Variants in STK4 observed in about 807,000 individuals in gnomAD.
STK4 encodes the protein serine/threonine kinase 4.
A neutral mutation model predicts 64.9 loss-of-function variants in STK4; 30 were observed. That is an observed-to-expected ratio of 0.46 (90% confidence interval 0.35 to 0.63). The LOEUF is 0.63. Among genes scored for constraint, STK4 ranks in the 20% least tolerant of loss-of-function variants. The pLI is 0.01. For synonymous variants in STK4, 177 were observed against 199.0 expected (o/e 0.89, Z 0.93); for missense variants, 466 against 598.5 (o/e 0.78, Z 2.31).
chr20:45,009,400 T>C (rs541404114), intron 9 of STK4, among the ~76,000 whole-genome samples: 1 of 152,324 alleles, frequency 6.6e-6, no homozygotes, highest in African/African-American at 2.4e-5. Flanking sequence ...TCTATGTGTC[T>C]GTTGTTGTAC....
intron 10 of STK4, among the ~76,000 whole-genome samples, chr20:45,031,003 C>T (rs2068433342): frequency 2.0e-5 from 3 of 151,950 alleles, no homozygotes; most frequent in Non-Finnish European, 4.4e-5. Flanking sequence ...TCGAGACCAG[C>T]CTGGCACATA....
intron 9 of STK4, among the ~76,000 whole-genome samples, chr20:45,020,543 A>C (rs144324483): frequency 6.6e-6 from 1 of 151,956 alleles, no homozygotes; most frequent in African/African-American, 2.4e-5. Context: ...CTTTTGCTGC[A>C]TTGTAAACCA....
chr20:45,074,375 G>A (rs912959193), intron 10 of STK4, among the ~76,000 whole-genome samples: 1 of 152,084 alleles, frequency 6.6e-6, no homozygotes, highest in East Asian at 1.9e-4. Context: ...GAAGTTTGAG[G>A]TTTTTCTAAC....
chr20:44,990,468 A>T (rs969895850), intron 5 of STK4, among the ~76,000 whole-genome samples: 4 of 150,710 alleles, frequency 2.7e-5, no homozygotes, highest in Admixed American at 1.3e-4. Flanking sequence ...TTTTTCCTTC[A>T]CTAAAATAAA....
intron 9 of STK4, among the ~76,000 whole-genome samples, chr20:45,022,614 T>A (rs1388966762): frequency 6.6e-6 from 1 of 152,248 alleles, no homozygotes; most frequent in Admixed American, 6.5e-5. Context: ...ACAGAAATGT[T>A]ATCTTTAGTG....
chr20:44,989,689 A>G (rs1237066894), intron 5 of STK4, among the ~76,000 whole-genome samples: 1 of 152,148 alleles, frequency 6.6e-6, no homozygotes, highest in Non-Finnish European at 1.5e-5. Flanking sequence ...ATTTACTCCT[A>G]TGATTTCTTT....
chr20:45,063,849 C>T (rs1369253092), intron 10 of STK4, among the ~76,000 whole-genome samples: 2 of 150,598 alleles, frequency 1.3e-5, no homozygotes, highest in Non-Finnish European at 3.0e-5. Flanking sequence ...GCTCTGTCAC[C>T]CAGGCTGGAG....
At chr20:45,009,348 G>C (rs1006047577) in intron 9 of STK4, among the ~76,000 whole-genome samples, 1 of 152,080 alleles carries the variant, frequency 6.6e-6, no homozygotes, top group African/African-American at 2.4e-5. Context: ...CTGGTTGTAG[G>C]TGTGCAGGTT....
intron 10 of STK4, among the ~76,000 whole-genome samples, chr20:45,031,904 CA>C (rs11431524): frequency 0.017 from 1,313 of 75,632 alleles, 11 homozygotes; most frequent in African/African-American, 0.049. Flanking sequence ...GACTTCATCT[CA>C]AAAAAAAAAA....
At chr20:45,071,154 T>G (rs1568773742) in intron 10 of STK4, among the ~76,000 whole-genome samples, 1 of 152,080 alleles carries the variant, frequency 6.6e-6, no homozygotes, top group Admixed American at 6.5e-5. Context: ...AGTATGGGTA[T>G]CACAGAATAG....
intron 5 of STK4, among the ~76,000 whole-genome samples, chr20:44,992,841 C>T (rs1463945781): frequency 6.6e-6 from 1 of 151,982 alleles, no homozygotes; most frequent in Non-Finnish European, 1.5e-5. Flanking sequence ...ATTACAGGTA[C>T]CTGCTACCAC....
intron 2 of STK4, chr20:44,975,335 T>C: frequency 1.0e-6 from 1 of 984,386 alleles, no homozygotes. Flanking sequence ...TTACTGTAGA[T>C]GCAGTATATG....
intron 10 of STK4, among the ~76,000 whole-genome samples, chr20:45,038,811 T>G (rs2068567635): frequency 6.6e-6 from 1 of 152,052 alleles, no homozygotes; most frequent in Non-Finnish European, 1.5e-5. Flanking sequence ...AAAAAAAAGC[T>G]AATTATACAT....
intron 10 of STK4, among the ~76,000 whole-genome samples, chr20:45,028,582 C>A (rs984229992): frequency 2.6e-5 from 4 of 152,150 alleles, no homozygotes; most frequent in Admixed American, 2.6e-4. Context: ...CTGCCCGGGC[C>A]TCCCAGAATG....
intron 9 of STK4, among the ~76,000 whole-genome samples, chr20:45,022,434 C>A (rs1209168002): frequency 6.6e-6 from 1 of 152,082 alleles, no homozygotes; most frequent in Admixed American, 6.5e-5. Flanking sequence ...GGTGTTTTAA[C>A]TCCAAAAATT....
intron 3 of STK4, among the ~76,000 whole-genome samples, chr20:44,978,860 G>A (rs1417553670): frequency 1.3e-5 from 2 of 148,776 alleles, no homozygotes; most frequent in African/African-American, 2.5e-5. Context: ...GTGCAGTGGT[G>A]CAATCTCGGC....
chr20:45,006,452 A>G (rs2067947340), intron 9 of STK4, among the ~76,000 whole-genome samples: 1 of 147,506 alleles, frequency 6.8e-6, no homozygotes, highest in South Asian at 2.1e-4. Context: ...ATTTCCCTTT[A>G]AAAAAAAACT....
chr20:45,041,728 G>C (rs2068616940), intron 10 of STK4, among the ~76,000 whole-genome samples: 1 of 151,226 alleles, frequency 6.6e-6, no homozygotes, highest in African/African-American at 2.4e-5. Context: ...TTATTCAGAG[G>C]TCTCCCTCTG....
Position 45,001,316 on chromosome 20 carries a change from C to G in STK4, c.1110C>G (p.Ile370Met), listed in dbSNP as rs1384985474. Residue 370 changes from isoleucine to methionine, a missense_variant, in exon 9 of 11, where the codon ATC becomes ATG. This residue lies in a region of STK4 where 276 missense variants were observed against 308.9 expected (regional missense o/e 0.89). Coordinates refer to ENST00000372806, the MANE Select transcript of STK4 (RefSeq NM_006282.5). ...TLPSQLGTMV[I>M]NAEDEEEEGT... Reference sequence around the variant, plus strand: ...CATCACAACTGGGCACCATGGTGATCAATGCAGAGGATGAGGAAGAGGAAG... The same window carrying G: ...CATCACAACTGGGCACCATGGTGATGAATGCAGAGGATGAGGAAGAGGAAG... 3.7e-6 allele frequency: 6 copies of G among 1,613,824 alleles called. No homozygotes were observed. Among genetic ancestry groups the G allele is most frequent in the South Asian group, 1.1e-5 (1 of 91,066 alleles).
Sources: allele counts gnomAD v4.1 joint callset (sites outside exome capture counted in the v4.1 genomes callset), GRCh38; gene constraint gnomAD v4.1.1; regional missense constraint gnomAD v4.1.1; transcripts MANE v1.5; gene names NCBI Gene and HGNC (gene_info 2026-07-23, HGNC 2026-07-21).